The following AIG1 variants were observed in gnomAD, a reference collection of about 807,000 sequenced individuals.
AIG1 encodes the protein androgen-induced gene 1 protein.
In AIG1, 23 loss-of-function variants were observed where a neutral mutation model predicts 31.4. That is an observed-to-expected ratio of 0.73 (90% CI 0.53 to 1.04). The LOEUF (loss-of-function observed/expected upper bound fraction) is 1.04. Ranked by LOEUF, AIG1 falls within the 50% of genes least tolerant of loss-of-function variation. The probability of loss-of-function intolerance (pLI) is 0.00; values close to 1 mark genes in which losing one functional copy is unlikely to be tolerated. For missense variants in AIG1, 274 were observed against 295.0 expected, an observed-to-expected ratio of 0.93 and a Z score of 0.52; for synonymous variants, 100 against 110.5, an observed-to-expected ratio of 0.90 and a Z score of 0.60.
intron 1 of AIG1, among the ~76,000 whole-genome samples, chr6:143,078,557 G>A (rs547750440): frequency 5.9e-5 from 9 of 152,196 alleles, no homozygotes; most frequent in Admixed American, 4.6e-4. Context: ...GTTCTACATG[G>A]CTGGGGAGGC....
At chr6:143,153,537 C>T (rs13206159) in intron 2 of AIG1, among the ~76,000 whole-genome samples, 144 of 152,160 alleles carry the variant, frequency 9.5e-4, no homozygotes, top group Admixed American at 2.6e-3. Flanking sequence ...TTAGTACAGA[C>T]GGGATTTCAC....
At chr6:143,262,745 A>T (rs966250662) in intron 3 of AIG1, among the ~76,000 whole-genome samples, 4 of 152,182 alleles carry the variant, frequency 2.6e-5, no homozygotes, top group African/African-American at 9.7e-5. Flanking sequence ...TCTTAAAAAG[A>T]CTTATGTTAT....
intron 4 of AIG1, among the ~76,000 whole-genome samples, chr6:143,314,343 G>T (rs1165840066): frequency 1.3e-5 from 2 of 151,886 alleles, no homozygotes; most frequent in Non-Finnish European, 2.9e-5. Context: ...GACAGAGTGA[G>T]ATCCTGTAAG....
intron 1 of AIG1, among the ~76,000 whole-genome samples, chr6:143,104,329 T>C (rs1396175583): frequency 6.6e-6 from 1 of 152,208 alleles, no homozygotes; most frequent in African/African-American, 2.4e-5. Context: ...CAGAAGTAAA[T>C]GAAAGACTCT....
chr6:143,199,697 T>C (rs1008260779), intron 3 of AIG1, among the ~76,000 whole-genome samples: 1 of 152,200 alleles, frequency 6.6e-6, no homozygotes, highest in Non-Finnish European at 1.5e-5. Context: ...AGCAAGATTT[T>C]GGTGAGTGGC....
intron 1 of AIG1, chr6:143,061,486 T>C: frequency 2.9e-6 from 1 of 349,142 alleles, no homozygotes; most frequent in South Asian, 2.2e-5. Flanking sequence ...GATGAACTTG[T>C]TGCAACTGAA....
chr6:143,172,533 T>C (rs553124514), intron 3 of AIG1, among the ~76,000 whole-genome samples: 3 of 152,312 alleles, frequency 2.0e-5, no homozygotes, highest in Admixed American at 6.5e-5. Context: ...TTTTCTTTTG[T>C]TGTTATGCCC....
At chr6:143,085,615 A>G (rs1261738884) in intron 1 of AIG1, among the ~76,000 whole-genome samples, 1 of 152,186 alleles carries the variant, frequency 6.6e-6, no homozygotes, top group Non-Finnish European at 1.5e-5. Context: ...TTCATTTCAG[A>G]GAGGGTGTAG....
intron 3 of AIG1, among the ~76,000 whole-genome samples, chr6:143,215,590 T>C (rs1008097242): frequency 6.6e-6 from 1 of 152,190 alleles, no homozygotes; most frequent in Non-Finnish European, 1.5e-5. Context: ...CACCAGTGTC[T>C]ACTTTTTCTC....
intron 1 of AIG1, among the ~76,000 whole-genome samples, chr6:143,104,417 C>T (rs2128485955): frequency 6.6e-6 from 1 of 152,238 alleles, no homozygotes; most frequent in Admixed American, 6.5e-5. Context: ...CATGGGAGTC[C>T]CTCATTCCAG....
chr6:143,157,177 G>A (rs1785859622), intron 2 of AIG1, among the ~76,000 whole-genome samples: 1 of 152,210 alleles, frequency 6.6e-6, no homozygotes, highest in Non-Finnish European at 1.5e-5. Context: ...GATTAAAAAA[G>A]TCTTGGCAAT....
downstream of AIG1, among the ~76,000 whole-genome samples, chr6:143,341,774 G>A (rs1235621123): frequency 3.3e-5 from 5 of 152,296 alleles, no homozygotes; most frequent in Middle Eastern, 3.4e-3. Context: ...AAATTAATAC[G>A]AACTGTGTAC....
intron 3 of AIG1, among the ~76,000 whole-genome samples, chr6:143,267,901 C>G (rs1796261622): frequency 6.6e-6 from 1 of 152,050 alleles, no homozygotes; most frequent in Non-Finnish European, 1.5e-5. Context: ...TAGGGGTCAA[C>G]CAAAGTAGGT....
At chr6:143,100,558 T>C (rs1198912617) in intron 1 of AIG1, among the ~76,000 whole-genome samples, 1 of 152,240 alleles carries the variant, frequency 6.6e-6, no homozygotes, top group Non-Finnish European at 1.5e-5. Context: ...GCTTACTAAG[T>C]TTAATCTTCT....
chr6:143,070,252 C>T (rs1467076181), intron 1 of AIG1, among the ~76,000 whole-genome samples: 3 of 152,082 alleles, frequency 2.0e-5, no homozygotes, highest in African/African-American at 7.2e-5. Context: ...ATCTATAAAA[C>T]GATTTGGGGA....
intron 2 of AIG1, among the ~76,000 whole-genome samples, chr6:143,155,197 CAG>C (rs1785623503): frequency 6.6e-6 from 1 of 152,074 alleles, no homozygotes; most frequent in South Asian, 2.1e-4. Context: ...GACAGTGTAA[CAG>C]AGAAGAGATA....
chr6:143,131,564 G>T (rs1212426541), intron 1 of AIG1, among the ~76,000 whole-genome samples: 2 of 152,180 alleles, frequency 1.3e-5, no homozygotes, highest in Non-Finnish European at 2.9e-5. Flanking sequence ...ACATTCTCTT[G>T]CTGGCTTTGA....
At chr6:143,201,996 A>T (rs1350641572) in intron 3 of AIG1, among the ~76,000 whole-genome samples, 1 of 152,200 alleles carries the variant, frequency 6.6e-6, no homozygotes, top group Non-Finnish European at 1.5e-5. Context: ...CCTAAATAAC[A>T]GATGAGGGAA....
At chr6:143,188,206 A>G (rs1227979022) in intron 3 of AIG1, 2 of 995,342 alleles carry the variant, frequency 2.0e-6, no homozygotes, top group Non-Finnish European at 2.4e-6. Context: ...GCCCATCGAT[A>G]TGATTTAGAC....
Sources: gnomAD v4.1 joint callset for allele counts (sites outside exome capture counted in the v4.1 genomes callset) on GRCh38, gnomAD v4.1.1 for gene constraint, MANE v1.5 for transcripts, NCBI Gene and HGNC (gene_info 2026-07-23, HGNC 2026-07-21) for gene names.